The following ST6GALNAC3 variants were observed in gnomAD, a reference collection of about 807,000 sequenced individuals.
ST6GALNAC3 encodes the protein ST6 N-acetylgalactosaminide alpha-2,6-sialyltransferase 3.
A neutral mutation model predicts 32.7 loss-of-function variants in ST6GALNAC3; 25 were observed. The ratio of observed to expected loss-of-function variants is 0.76; its 90% CI spans 0.56 to 1.07. The LOEUF is 1.07. ST6GALNAC3 is among the 50% of genes least tolerant of loss of function. The pLI is 0.00. For missense variants in ST6GALNAC3, 355 were observed against 382.4 expected (o/e 0.93, Z 0.60); for synonymous variants, 129 against 133.1 (o/e 0.97, Z 0.21).
At chr1:76,269,486 T>C (rs1204053606) in intron 1 of ST6GALNAC3, among the ~76,000 whole-genome samples, 1 of 152,232 alleles carries the variant, frequency 6.6e-6, no homozygotes, top group Admixed American at 6.5e-5. Context: ...ATACAGAGTC[T>C]TAGGCAAACT....
intron 3 of ST6GALNAC3, among the ~76,000 whole-genome samples, chr1:76,415,588 A>G (rs1001435696): frequency 6.6e-6 from 1 of 151,892 alleles, no homozygotes; most frequent in African/African-American, 2.4e-5. Context: ...GCCTATGGGA[A>G]CCTCTTCAAA....
At chr1:76,437,743 A>G (rs904217410) in intron 3 of ST6GALNAC3, among the ~76,000 whole-genome samples, 23 of 151,768 alleles carry the variant, frequency 1.5e-4, no homozygotes, top group African/African-American at 5.6e-4. Context: ...ACGCCCAGCT[A>G]ATTTTTTTAT....
intron 1 of ST6GALNAC3, among the ~76,000 whole-genome samples, chr1:76,081,285 TA>T (rs10526487): frequency 5.4e-4 from 65 of 120,550 alleles, no homozygotes; most frequent in Middle Eastern, 4.0e-3. Flanking sequence ...GCTGGTGAGC[TA>T]AAAAAAAAAA....
chr1:76,264,876 A>G (rs903228955), intron 1 of ST6GALNAC3, among the ~76,000 whole-genome samples: 2 of 151,100 alleles, frequency 1.3e-5, no homozygotes, highest in African/African-American at 4.9e-5. Flanking sequence ...ATACTTCAAG[A>G]TGCTTGACTG....
chr1:76,331,246 T>C (rs976741333), intron 2 of ST6GALNAC3, among the ~76,000 whole-genome samples: 2 of 152,276 alleles, frequency 1.3e-5, no homozygotes, highest in Non-Finnish European at 2.9e-5. Flanking sequence ...TATTTGTTCA[T>C]GAGTAATGGA....
chr1:76,291,379 C>G (rs1182339430), intron 1 of ST6GALNAC3, among the ~76,000 whole-genome samples: 1 of 152,252 alleles, frequency 6.6e-6, no homozygotes, highest in African/African-American at 2.4e-5. Context: ...CCTGCCGGAG[C>G]ACCTCCTGGC....
chr1:76,554,758 A>G (rs1218436439), intron 3 of ST6GALNAC3, among the ~76,000 whole-genome samples: 2 of 152,302 alleles, frequency 1.3e-5, no homozygotes, highest in Non-Finnish European at 2.9e-5. Flanking sequence ...ATGCATTACA[A>G]TCCCTGGGCT....
At chr1:76,532,665 G>T (rs1003023739) in intron 3 of ST6GALNAC3, among the ~76,000 whole-genome samples, 2 of 152,066 alleles carry the variant, frequency 1.3e-5, no homozygotes, top group African/African-American at 4.8e-5. Context: ...TGAACTTAAG[G>T]GTATTAAGCA....
intron 1 of ST6GALNAC3, among the ~76,000 whole-genome samples, chr1:76,104,673 T>C (rs771575373): frequency 3.9e-5 from 6 of 152,076 alleles, no homozygotes; most frequent in Non-Finnish European, 8.8e-5. Context: ...TTTCTCTCTT[T>C]TACTTATCTT....
At chr1:76,250,062 T>C (rs2100694147) in intron 1 of ST6GALNAC3, among the ~76,000 whole-genome samples, 1 of 152,324 alleles carries the variant, frequency 6.6e-6, no homozygotes, top group Middle Eastern at 3.4e-3. Flanking sequence ...GTCTTTTCAC[T>C]TCCTTGATGG....
intron 1 of ST6GALNAC3, among the ~76,000 whole-genome samples, chr1:76,284,203 T>C (rs1659653346): frequency 6.6e-6 from 1 of 152,198 alleles, no homozygotes; most frequent in South Asian, 2.1e-4. Flanking sequence ...AGAAGGTAAA[T>C]GTATGTTGAT....
At chr1:76,481,063 T>G (rs1571365152) in intron 3 of ST6GALNAC3, among the ~76,000 whole-genome samples, 2 of 152,254 alleles carry the variant, frequency 1.3e-5, no homozygotes, top group South Asian at 2.1e-4. Flanking sequence ...CTATTGAAAA[T>G]CTCTAGTTAG....
intron 3 of ST6GALNAC3, among the ~76,000 whole-genome samples, chr1:76,532,778 G>T (rs915335): frequency 0.62 from 94,054 of 151,914 alleles, 30,424 homozygotes; most frequent in East Asian, 0.75. Context: ...AATGGTATTG[G>T]GTATATTTAC....
chr1:76,347,780 C>T (rs1322262986), intron 2 of ST6GALNAC3, among the ~76,000 whole-genome samples: 2 of 152,092 alleles, frequency 1.3e-5, no homozygotes, highest in Non-Finnish European at 2.9e-5. Context: ...GCTCTATGAT[C>T]TTGGAAAGTT....
intron 3 of ST6GALNAC3, among the ~76,000 whole-genome samples, chr1:76,604,672 G>A (rs1291132273): frequency 2.0e-5 from 3 of 152,070 alleles, no homozygotes; most frequent in Non-Finnish European, 2.9e-5. Context: ...AATTCATATT[G>A]GAATTTCTCA....
At position 76,432,500 on chromosome 1, in the gene ST6GALNAC3, G is replaced by T. The variant is rs536664028; in HGVS notation, c.623+20083G>T. 2.0e-3 allele frequency among the ~76,000 whole-genome samples: 253 copies of T among 128,356 alleles called. 2 individuals are homozygous for T. Among genetic ancestry groups the T allele is most frequent in the African/African-American group, 7.2e-3 (241 of 33,660 alleles). The allele number at this position is 128,356 out of a possible 152,430, so 84.2% of individuals were successfully genotyped here. Reference sequence around the variant, plus strand: ...GACAGAATCTCACTCTGTTGCCCAGGCTGGAATGCAGTGGCACAAACATGG... The same window carrying T: ...GACAGAATCTCACTCTGTTGCCCAGTCTGGAATGCAGTGGCACAAACATGG... On this transcript the variant is annotated intron_variant, in intron 3 of 4. Transcript: ENST00000328299.
rs755292400 is a variant in ST6GALNAC3, at chr1:76,093,727, G to A, written c.18+18843G>A. Among the ~76,000 whole-genome samples, 106 of 152,312 alleles carry A rather than the reference G, an allele frequency of 7.0e-4. 1 individual carries two copies. The highest frequency in any genetic ancestry group is 1.4e-3 in the Non-Finnish European group (94 of 68,026). On this transcript the variant is annotated intron_variant, in intron 1 of 4. Transcript: ENST00000328299. ...TCATCAGCTGAGAGACAACGCCAGA[G>A]GAATCTGCAAACTAACCTCACTTCA...
intron 3 of ST6GALNAC3, among the ~76,000 whole-genome samples, chr1:76,595,650 C>T (rs1486987839): frequency 1.3e-5 from 2 of 151,234 alleles, no homozygotes; most frequent in African/African-American, 4.9e-5. Flanking sequence ...GTGTAATTTT[C>T]AATGCACTGT....
At chr1:76,405,680 A>G (rs957980047) in intron 2 of ST6GALNAC3, among the ~76,000 whole-genome samples, 2 of 151,770 alleles carry the variant, frequency 1.3e-5, no homozygotes, top group Admixed American at 6.6e-5. Context: ...ATGTGTACCA[A>G]TTTAAAGAGA....
Sources: allele counts gnomAD v4.1 joint callset (sites outside exome capture counted in the v4.1 genomes callset), GRCh38; gene constraint gnomAD v4.1.1; transcripts MANE v1.5; gene names NCBI Gene and HGNC (gene_info 2026-07-23, HGNC 2026-07-21).